Variants in CTPS2 observed in about 807,000 individuals in gnomAD.
The protein encoded by CTPS2 is CTP synthase II.
In CTPS2, 19 loss-of-function variants were observed where a neutral mutation model predicts 46.8. That is an observed-to-expected ratio of 0.41 (90% CI 0.28 to 0.60). The LOEUF (loss-of-function observed/expected upper bound fraction) is 0.60. Among genes scored for constraint, CTPS2 ranks in the 20% least tolerant of loss-of-function variants. The pLI, the probability that CTPS2 is intolerant of heterozygous loss-of-function variation, is 0.35. For synonymous variants in CTPS2, 151 were observed against 165.2 expected (o/e 0.91, Z 0.66); for missense variants, 286 against 447.6 (o/e 0.64, Z 3.26).
chrX:16,621,985 T>C (rs765616179), intron 14 of CTPS2, among the ~76,000 whole-genome samples: 1 of 111,297 alleles, frequency 9.0e-6, no homozygotes, highest in Non-Finnish European at 1.9e-5. Flanking sequence ...GGGAGTTCCT[T>C]TGAGAGAATG....
intron 13 of CTPS2, among the ~76,000 whole-genome samples, chrX:16,641,696 AC>A (rs1338800785): frequency 4.4e-5 from 5 of 112,494 alleles, no homozygotes; most frequent in Non-Finnish European, 7.5e-5. Flanking sequence ...TGATCACACC[AC>A]TGCACTCCAG....
At chrX:16,636,453 T>C (rs1170138439) in intron 14 of CTPS2, among the ~76,000 whole-genome samples, 2 of 112,113 alleles carry the variant, frequency 1.8e-5, no homozygotes, top group Non-Finnish European at 3.8e-5. Context: ...TATGGTTCCA[T>C]TTACATGAAA....
chrX:16,636,318 C>T (rs1931744055), intron 14 of CTPS2, among the ~76,000 whole-genome samples: 1 of 111,392 alleles, frequency 9.0e-6, no homozygotes, highest in South Asian at 3.7e-4. Flanking sequence ...TCGCTTAAAC[C>T]CAGGAGGTGA....
intron 9 of CTPS2, among the ~76,000 whole-genome samples, chrX:16,680,261 T>TAA (rs1234650682): frequency 1.8e-5 from 2 of 111,576 alleles, no homozygotes; most frequent in Non-Finnish European, 3.8e-5. Flanking sequence ...ATTTCTTCTG[T>TAA]AAAAATGACT....
At chrX:16,600,212 A>G (rs1929577110) in intron 17 of CTPS2, among the ~76,000 whole-genome samples, 1 of 112,173 alleles carries the variant, frequency 8.9e-6, no homozygotes, top group South Asian at 3.7e-4. Context: ...TGCCTCATAT[A>G]GCCCACCTTT....
chrX:16,682,407 C>T (rs1267746810), intron 9 of CTPS2, among the ~76,000 whole-genome samples: 2 of 111,977 alleles, frequency 1.8e-5, no homozygotes, highest in East Asian at 5.6e-4. Flanking sequence ...ATTGCTGGAA[C>T]GGTGAAGACA....
At chrX:16,638,929 G>A (rs1196592874) in intron 14 of CTPS2, 1 of 531,033 alleles carries the variant, frequency 1.9e-6, no homozygotes, top group Non-Finnish European at 3.5e-6. Flanking sequence ...CATTCAGTGT[G>A]TTCTACTGAG....
At chrX:16,654,755 AAG>A (rs79064086) in intron 13 of CTPS2, 4,291 of 140,173 alleles carry the variant, frequency 0.031, 4 homozygotes, top group Middle Eastern at 0.055. Context: ...AGATTTAAAA[AAG>A]AGAGAGAGAG....
chrX:16,661,830 GT>G (rs1170090949), intron 13 of CTPS2, among the ~76,000 whole-genome samples: 3 of 111,165 alleles, frequency 2.7e-5, no homozygotes, highest in African/African-American at 9.8e-5. Context: ...AAGTGTGCAT[GT>G]GTGTGCTGAT....
At chrX:16,595,651 T>C (rs1218477680) in intron 17 of CTPS2, among the ~76,000 whole-genome samples, 1 of 111,785 alleles carries the variant, frequency 8.9e-6, no homozygotes, top group Non-Finnish European at 1.9e-5. Flanking sequence ...TCAGTTAAAA[T>C]GAAATAAAAT....
chrX:16,615,664 A>G (rs1930492280), intron 16 of CTPS2, among the ~76,000 whole-genome samples: 1 of 111,966 alleles, frequency 8.9e-6, no homozygotes, highest in South Asian at 3.8e-4. Context: ...TTTCCCTGTC[A>G]GTCTATTACC....
intron 14 of CTPS2, among the ~76,000 whole-genome samples, chrX:16,623,747 ACTTC>A (rs1392283890): frequency 2.1e-5 from 2 of 94,591 alleles, no homozygotes; most frequent in Non-Finnish European, 4.1e-5. Flanking sequence ...TGATATACTG[ACTTC>A]CTTCCTTTCG....
intron 17 of CTPS2, among the ~76,000 whole-genome samples, chrX:16,605,316 A>T (rs1252359999): frequency 2.7e-5 from 3 of 112,132 alleles, no homozygotes; most frequent in Non-Finnish European, 3.8e-5. Flanking sequence ...ACTCGACGTG[A>T]CTTATCACAG....
intron 17 of CTPS2, among the ~76,000 whole-genome samples, chrX:16,592,516 T>C (rs1258998801): frequency 1.8e-5 from 2 of 111,668 alleles, no homozygotes; most frequent in Non-Finnish European, 3.8e-5. Flanking sequence ...CTGGCCTCCG[T>C]GCTTGAGAAT....
intron 14 of CTPS2, among the ~76,000 whole-genome samples, chrX:16,626,599 A>T (rs527700756): frequency 2.7e-5 from 3 of 111,473 alleles, no homozygotes; most frequent in Non-Finnish European, 3.8e-5. Context: ...AAAAATTTTT[A>T]AAATAAAAAA....
intron 17 of CTPS2, among the ~76,000 whole-genome samples, chrX:16,594,625 T>G (rs940956103): frequency 8.9e-6 from 1 of 111,994 alleles, no homozygotes; most frequent in Non-Finnish European, 1.9e-5. Flanking sequence ...CATTAGCAAG[T>G]GGACTTGGGC....
chrX:16,628,340 C>T (rs529780360), intron 14 of CTPS2, among the ~76,000 whole-genome samples: 2 of 111,168 alleles, frequency 1.8e-5, no homozygotes, highest in African/African-American at 3.3e-5. Context: ...TATAGCATTA[C>T]ATTCTTTTTC....
intron 14 of CTPS2, among the ~76,000 whole-genome samples, chrX:16,621,495 G>T (rs890921114): frequency 1.8e-5 from 2 of 109,052 alleles, no homozygotes; most frequent in African/African-American, 6.7e-5. Flanking sequence ...GCCCCTACTG[G>T]AGCATGTGGA....
At chrX:16,688,168 C>T (rs1243554451) in intron 8 of CTPS2, among the ~76,000 whole-genome samples, 1 of 111,474 alleles carries the variant, frequency 9.0e-6, no homozygotes, top group Non-Finnish European at 1.9e-5. Context: ...GAGGCCTAGA[C>T]AGGCGAATCG....
Sources: allele counts gnomAD v4.1 joint callset (sites outside exome capture counted in the v4.1 genomes callset), GRCh38; gene constraint gnomAD v4.1.1; transcripts MANE v1.5; gene names NCBI Gene and HGNC (gene_info 2026-07-23, HGNC 2026-07-21).